The following FSTL4 variants were observed in gnomAD, a reference collection of about 807,000 sequenced individuals.
FSTL4 encodes the protein follistatin-related protein 4.
FSTL4 carries 28 observed loss-of-function variants against 78.2 expected under a neutral mutation model. The ratio of observed to expected loss-of-function variants is 0.36; its 90% CI spans 0.27 to 0.49. FSTL4 has a LOEUF of 0.49. Ranked by LOEUF, FSTL4 falls within the 20% of genes least tolerant of loss-of-function variation. FSTL4 has a pLI of 0.98. For missense variants in FSTL4, 922 were observed against 1,084.9 expected, an observed-to-expected ratio of 0.85 and a Z score of 2.11; for synonymous variants, 422 against 440.5, an observed-to-expected ratio of 0.96 and a Z score of 0.53.
At chr5:133,765,078 A>G in the FSTL4 span, among the ~76,000 whole-genome samples, 176 of 152,352 alleles carry the variant, frequency 1.2e-3, no homozygotes, top group Non-Finnish European at 2.3e-3. Flanking sequence ...CTTAACATGC[A>G]CTCAGGGAGC....
chr5:133,513,779 A>G (rs1758789590), intron 3 of FSTL4, among the ~76,000 whole-genome samples: 1 of 152,170 alleles, frequency 6.6e-6, no homozygotes, highest in Non-Finnish European at 1.5e-5. Context: ...TAGAATCTGT[A>G]CATTGCGACA....
chr5:133,671,601 C>A, the FSTL4 span, among the ~76,000 whole-genome samples: 1 of 152,200 alleles, frequency 6.6e-6, no homozygotes, highest in Non-Finnish European at 1.5e-5. Context: ...GTACACCGAA[C>A]AAAGGAGACA....
intron 5 of FSTL4, among the ~76,000 whole-genome samples, chr5:133,314,864 A>G (rs114950049): frequency 0.016 from 2,392 of 152,322 alleles, 61 homozygotes; most frequent in African/African-American, 0.055. Context: ...TGACCTCTCT[A>G]TTGAAACACA....
chr5:133,393,809 T>G (rs553649891), intron 4 of FSTL4, among the ~76,000 whole-genome samples: 7 of 152,216 alleles, frequency 4.6e-5, no homozygotes, highest in Admixed American at 2.0e-4. Flanking sequence ...TCTGTGAGTT[T>G]GGGATGATTG....
chr5:133,661,282 G>T, the FSTL4 span, among the ~76,000 whole-genome samples: 1 of 152,196 alleles, frequency 6.6e-6, no homozygotes, highest in Non-Finnish European at 1.5e-5. Flanking sequence ...GAGCCACCGT[G>T]CACAGCCTTA....
the FSTL4 span, among the ~76,000 whole-genome samples, chr5:133,661,315 G>A: frequency 6.6e-6 from 1 of 152,152 alleles, no homozygotes; most frequent in South Asian, 2.1e-4. Flanking sequence ...ACCGCTTACT[G>A]TCACTATGAC....
chr5:133,265,865 G>A (rs566194163), intron 6 of FSTL4, among the ~76,000 whole-genome samples: 1 of 152,280 alleles, frequency 6.6e-6, no homozygotes, highest in East Asian at 1.9e-4. Flanking sequence ...CTAGGGTGGG[G>A]GCCCTCTCCT....
chr5:133,364,765 T>C (rs2126937570), intron 4 of FSTL4, among the ~76,000 whole-genome samples: 1 of 152,362 alleles, frequency 6.6e-6, no homozygotes, highest in East Asian at 1.9e-4. Flanking sequence ...GTTCTCAAAA[T>C]GTCAGTCCCC....
At chr5:133,411,442 C>T (rs1037741327) in intron 3 of FSTL4, among the ~76,000 whole-genome samples, 1 of 151,978 alleles carries the variant, frequency 6.6e-6, no homozygotes, top group African/African-American at 2.4e-5. Context: ...TCAAGTCTTC[C>T]AAGGTTAAGA....
chr5:133,222,321 A>T (rs1751163832), intron 11 of FSTL4, among the ~76,000 whole-genome samples: 1 of 152,122 alleles, frequency 6.6e-6, no homozygotes, highest in Non-Finnish European at 1.5e-5. Context: ...GATGAAGCTC[A>T]GCTCCCGCCA....
chr5:133,606,471 T>A (rs1163116797), intron 1 of FSTL4, among the ~76,000 whole-genome samples: 1 of 152,170 alleles, frequency 6.6e-6, no homozygotes, highest in Admixed American at 6.5e-5. Flanking sequence ...CTATTCTCCA[T>A]AAGTAATCCT....
chr5:133,780,260 C>T, the FSTL4 span, among the ~76,000 whole-genome samples: 1 of 152,116 alleles, frequency 6.6e-6, no homozygotes, highest in African/African-American at 2.4e-5. Context: ...GCAGGGGACG[C>T]AGACACGTGG....
intron 15 of FSTL4, 29 bp downstream of exon 15, chr5:133,201,904 G>T: frequency 7.5e-7 from 1 of 1,327,252 alleles, no homozygotes; most frequent in Non-Finnish European, 1.1e-6. Context: ...AGCGGGGAGT[G>T]CCTTAGAGGC....
intron 3 of FSTL4, among the ~76,000 whole-genome samples, chr5:133,455,658 A>G (rs1254206487): frequency 6.6e-6 from 1 of 152,204 alleles, no homozygotes; most frequent in African/African-American, 2.4e-5. Flanking sequence ...AAGAAGGAAA[A>G]TCCCAAGGGA....
Position 133,225,671 on chromosome 5 carries a change from C to A in FSTL4, c.1164G>T (p.Gln388His), listed in dbSNP as rs1415128878. The A allele has an allele frequency of 1.3e-6, 2 of 1,597,556 alleles. No individual in the cohort carries two copies. Among genetic ancestry groups the A allele is most frequent in the East Asian group, 2.2e-5 (1 of 44,734 alleles). The change falls in exon 9 of 16, where the codon CAG becomes CAT. Residue 388 changes from glutamine (Q) to histidine (H), a missense_variant. By Grantham distance (24) the Gln-to-His change is conservative (BLOSUM62 0). Transcript: ENST00000265342. The surrounding 1 kb of genome is among the most constrained non-coding windows in gnomAD (Gnocchi z 4.6). ...GVDVSTQMSK[Q>H]LSLLANGSEL... Reference sequence around the variant, plus strand: ...GGCAGTTCTTACCTAAAAGGGAGAGCTGTTTGGACATCTGAGTTGAGACAT... The same window carrying A: ...GGCAGTTCTTACCTAAAAGGGAGAGATGTTTGGACATCTGAGTTGAGACAT...
chr5:133,607,873 T>A (rs913121094), intron 1 of FSTL4, among the ~76,000 whole-genome samples: 16 of 150,336 alleles, frequency 1.1e-4, no homozygotes, highest in Non-Finnish European at 1.2e-4. Flanking sequence ...TCACTGCTGC[T>A]CTATTTATGG....
At chr5:133,762,279 C>T in the FSTL4 span, among the ~76,000 whole-genome samples, 1 of 152,128 alleles carries the variant, frequency 6.6e-6, no homozygotes, top group Non-Finnish European at 1.5e-5. Flanking sequence ...AGGGTCTTTC[C>T]ATGCTTTTAA....
At chr5:133,496,109 G>A (rs947311662) in intron 3 of FSTL4, among the ~76,000 whole-genome samples, 1 of 152,100 alleles carries the variant, frequency 6.6e-6, no homozygotes, top group Non-Finnish European at 1.5e-5. Context: ...TCCATCCTCC[G>A]ATCGTTCACT....
chr5:133,638,357 G>C, the FSTL4 span, among the ~76,000 whole-genome samples: 1 of 152,104 alleles, frequency 6.6e-6, no homozygotes, highest in Admixed American at 6.6e-5. Flanking sequence ...CCCATGTCTT[G>C]ACTCCCTCCT....
Sources: allele counts gnomAD v4.1 joint callset (sites outside exome capture counted in the v4.1 genomes callset), GRCh38; gene constraint gnomAD v4.1.1; non-coding constraint Gnocchi (gnomAD v3.1); transcripts MANE v1.5; gene names NCBI Gene and HGNC (gene_info 2026-07-23, HGNC 2026-07-21).